Variants in SBNO2 observed in about 807,000 individuals in gnomAD.
The protein encoded by SBNO2 is strawberry notch homolog 2.
Under a neutral mutation model 146.3 loss-of-function variants are expected in SBNO2, and 89 were observed. The ratio of observed to expected loss-of-function variants is 0.61; its 90% CI spans 0.51 to 0.73. The LOEUF (loss-of-function observed/expected upper bound fraction) is 0.73. Among genes scored for constraint, SBNO2 ranks in the 30% least tolerant of loss-of-function variants. SBNO2 has a pLI of 0.00. For synonymous variants in SBNO2, 1,147 were observed against 892.6 expected, an observed-to-expected ratio of 1.29 and a Z score of -5.08; for missense variants, 2,092 against 2,003.7, an observed-to-expected ratio of 1.04 and a Z score of -0.84.
In SBNO2 at chr19:1,140,348, C is replaced by T. The variant is rs1038850270; in HGVS notation, c.279+6961G>A. On this transcript the variant is annotated intron_variant, in intron 4 of 31. Coordinates refer to ENST00000361757, the MANE Select transcript of SBNO2 (RefSeq NM_014963.3). The surrounding 1 kb of genome is among the most constrained non-coding windows in gnomAD (Gnocchi z 4.4). ...AACACAGAGCCACGTGTCCACAGAA[C>T]CACGGTTCACCTGCACACCGCGGCA... Among the ~76,000 whole-genome samples, 3 of 151,926 alleles carry T rather than the reference C, an allele frequency of 2.0e-5. No individual in the cohort carries two copies. Among genetic ancestry groups the T allele is most frequent in the Admixed American group, 2.0e-4 (3 of 15,272 alleles).
intron 19 of SBNO2, among the ~76,000 whole-genome samples, chr19:1,113,225 C>G (rs903029944): frequency 6.6e-6 from 1 of 152,150 alleles, no homozygotes; most frequent in African/African-American, 2.4e-5. Context: ...GGCCCAGGGG[C>G]TTGTGTCCTG....
At chr19:1,111,432 G>A in intron 24 of SBNO2, 74 bp downstream of exon 24, 1 of 1,039,174 alleles carries the variant, frequency 9.6e-7, no homozygotes. Flanking sequence ...AAAGCCTGCT[G>A]CCCCAGCTGC....
At chr19:1,122,348 C>T (rs2079910905) in intron 10 of SBNO2, 66 bp from the exon 11 acceptor site, 9 of 1,513,310 alleles carry the variant, frequency 5.9e-6, no homozygotes, top group Middle Eastern at 1.7e-4. Context: ...CTGGGTCTCC[C>T]TATCTGTAAG....
chr19:1,120,086 C>T (rs1315247526), intron 11 of SBNO2, 63 bp from the exon 12 acceptor site: 1 of 1,365,516 alleles, frequency 7.3e-7, no homozygotes, highest in African/African-American at 1.4e-5. Flanking sequence ...AGCCCAGGTC[C>T]TGACCACCCA....
chr19:1,165,553 G>A (rs35405743), intron 1 of SBNO2, among the ~76,000 whole-genome samples: 40,702 of 151,932 alleles, frequency 0.27, 6,383 homozygotes, highest in East Asian at 0.45. Context: ...TGCCTTTTAG[G>A]AAGAAACCAC....
chr19:1,147,249 G>A (rs1327549256), intron 4 of SBNO2, 60 bp downstream of exon 4: 4 of 1,154,072 alleles, frequency 3.5e-6, no homozygotes, highest in African/African-American at 1.6e-5. Context: ...AGGGCAGCTG[G>A]AGGGGCGGCC....
chr19:1,168,610 C>G (rs1341860502), intron 1 of SBNO2: 1 of 152,300 alleles, frequency 6.6e-6, no homozygotes, highest in Non-Finnish European at 1.5e-5. Flanking sequence ...GCGTGGGTCC[C>G]GCGACCCATT....
intron 1 of SBNO2, among the ~76,000 whole-genome samples, chr19:1,156,994 G>A (rs963950447): frequency 1.4e-5 from 1 of 70,838 alleles, no homozygotes; most frequent in East Asian, 1.7e-3. Context: ...CTGCCTTTCC[G>A]CCCACTGCCA....
chr19:1,169,673 C>CA (rs1201194166), intron 1 of SBNO2, among the ~76,000 whole-genome samples: 2 of 137,452 alleles, frequency 1.5e-5, no homozygotes, highest in African/African-American at 2.5e-5. Flanking sequence ...AAGCTGGCTG[C>CA]AGGCTGCCTG....
At chr19:1,152,452 G>C (rs2080251551) in intron 2 of SBNO2, among the ~76,000 whole-genome samples, 1 of 152,166 alleles carries the variant, frequency 6.6e-6, no homozygotes, top group African/African-American at 2.4e-5. Flanking sequence ...GGGTTTCGGG[G>C]GATGGAGCTG....
At chr19:1,125,657 G>A (rs2145234675) in intron 5 of SBNO2, among the ~76,000 whole-genome samples, 1 of 145,062 alleles carries the variant, frequency 6.9e-6, no homozygotes, top group East Asian at 2.1e-4. Context: ...TGGGCGACAA[G>A]AGCGAGAGAC....
Position 1,118,991 on chromosome 19 carries a change from G to T in SBNO2, c.1527+20C>A, listed in dbSNP as rs375825281. ...CCCGGGAAACGCACAGGGGTCCCCG[G>T]GTCGGGTGCGCAGGCTCACCAGCAG... On this transcript the variant is annotated intron_variant, in intron 14 of 31. Coordinates refer to ENST00000361757, the MANE Select transcript of SBNO2 (RefSeq NM_014963.3). The T allele has an allele frequency of 1.3e-6, 2 of 1,568,124 alleles. No homozygotes were observed. Among genetic ancestry groups the T allele is most frequent in the Admixed American group, 3.5e-5 (2 of 56,366 alleles).
In SBNO2 at chr19:1,109,196, C is replaced by T; in HGVS notation, c.3364G>A (p.Ala1122Thr). Residue 1122 changes from alanine (A) to threonine (T), a missense_variant, in exon 30 of 32, where the codon GCC becomes ACC. Physicochemically the swap from Ala to Thr is moderately conservative, Grantham distance 58. Coordinates refer to ENST00000361757, the MANE Select transcript of SBNO2 (RefSeq NM_014963.3). This position sits in a 1 kb window ranked among gnomAD's most constrained non-coding sequence, Gnocchi z 4.2. Reference sequence around the variant, plus strand: ...TAGCCACTCTCCCAGGGCTCCTTGGCCTCCTCCGCGGTGACCTAGGGACAC... The same window carrying T: ...TAGCCACTCTCCCAGGGCTCCTTGGTCTCCTCCGCGGTGACCTAGGGACAC... ...RKFHRVTAEE[A>T]KEPWESGYAL... 6.4e-7 allele frequency: 1 copy of T among 1,564,206 alleles called. No homozygotes were observed. Among genetic ancestry groups the T allele is most frequent in the Non-Finnish European group, 8.7e-7 (1 of 1,155,368 alleles).
chr19:1,142,539 G>T (rs958807560), intron 4 of SBNO2, among the ~76,000 whole-genome samples: 3 of 152,016 alleles, frequency 2.0e-5, no homozygotes, highest in Non-Finnish European at 2.9e-5. Flanking sequence ...AATTAGCCAG[G>T]CGTGGTGGCG....
chr19:1,163,099 C>A (rs917616773), intron 1 of SBNO2, among the ~76,000 whole-genome samples: 1 of 152,290 alleles, frequency 6.6e-6, no homozygotes, highest in South Asian at 2.1e-4. Flanking sequence ...AGAGAGGGCA[C>A]CGGGGTGACT....
At chr19:1,122,072 T>C (rs1599839043) in intron 11 of SBNO2, 67 bp downstream of exon 11, 8 of 463,022 alleles carry the variant, frequency 1.7e-5, no homozygotes, top group Non-Finnish European at 2.0e-5. Context: ...CTCCCACTCC[T>C]CCATCCTCCT....
At position 1,112,915 on chromosome 19, in the gene SBNO2, G is replaced by C. The variant is rs2079783699; in HGVS notation, c.2282C>G (p.Pro761Arg). Reference protein sequence around the residue: ...TGRKGRVVSRPDGTVAFESRA... With the variant: ...TGRKGRVVSRRDGTVAFESRA... ...CGACTCGAAGGCCACCGTCCCGTCGGGCCTGGACACCACGCGGCCTTTCCT... is the reference window on the plus strand; with the variant it reads ...CGACTCGAAGGCCACCGTCCCGTCGCGCCTGGACACCACGCGGCCTTTCCT... The change falls in exon 20 of 32, where the codon CCC becomes CGC. Residue 761 changes from proline to arginine, a missense_variant. Pro to Arg is a moderately radical substitution (Grantham distance 103). Coordinates refer to ENST00000361757, the MANE Select transcript of SBNO2 (RefSeq NM_014963.3). The surrounding 1 kb of genome is among the most constrained non-coding windows in gnomAD (Gnocchi z 5.9). 1 of 1,568,338 alleles carries C rather than the reference G, an allele frequency of 6.4e-7. No homozygotes were observed. The highest frequency in any genetic ancestry group is 1.9e-5 in the Admixed American group (1 of 53,332).
chr19:1,117,559 C>T, intron 14 of SBNO2, 60 bp from the exon 15 acceptor site: 1 of 1,489,834 alleles, frequency 6.7e-7, no homozygotes. Context: ...GACCCGGGCC[C>T]CGGCCCACCT....
rs2145301905 is a variant in SBNO2, at chr19:1,148,574, TCCCGCCCCTTCCCACCCTCCTTC to T, written c.167+772_167+794del. 2.5e-3 allele frequency among the ~76,000 whole-genome samples: 3 copies of T among 1,222 alleles called. 1 individual carries two copies. Among genetic ancestry groups the T allele is most frequent in the African/African-American group, 0.016 (3 of 190 alleles). The allele number at this position is 1,222 out of a possible 152,430, so 0.8% of individuals were successfully genotyped here. ...CCACCCTCCTTCACCCCAGAAAACC[TCCCGCCCCTTCCCACCCTCCTTC>T]ACCCCAGAAAACCTCCCGCCCCTTC... On this transcript the variant is annotated intron_variant, in intron 3 of 31. Coordinates refer to ENST00000361757, the MANE Select transcript of SBNO2 (RefSeq NM_014963.3).
Sources: gnomAD v4.1 joint callset for allele counts (sites outside exome capture counted in the v4.1 genomes callset) on GRCh38, gnomAD v4.1.1 for gene constraint, Gnocchi (gnomAD v3.1) non-coding constraint, MANE v1.5 for transcripts, NCBI Gene and HGNC (gene_info 2026-07-23, HGNC 2026-07-21) for gene names.